KRT16: variants seen among roughly 807,000 people sequenced by gnomAD.
The protein encoded by KRT16 is keratin, type I cytoskeletal 16.
Under a neutral mutation model 44.8 loss-of-function variants are expected in KRT16, and 42 were observed. That is an observed-to-expected ratio of 0.94 (90% CI 0.73 to 1.21). KRT16 has a LOEUF of 1.21. KRT16 is among the 50% of genes most tolerant of loss of function. KRT16 has a pLI of 0.00. For synonymous variants in KRT16, 226 were observed against 260.4 expected (o/e 0.87, Z 1.27); for missense variants, 561 against 626.9 (o/e 0.89, Z 1.12).
In KRT16 at chr17:41,612,711, G is replaced by A. The variant is rs748762166; in HGVS notation, c.-23C>T. On this transcript the variant is annotated 5_prime_UTR_variant, in exon 1 of 8. Coordinates refer to ENST00000301653, the MANE Select transcript of KRT16 (RefSeq NM_005557.4). ...CATGGTGCCAAGGAGGGAGGTGAGC[G>A]AGTGAGCAGTTGGCTGAAAGAAGGA... 3.1e-5 allele frequency: 48 copies of A among 1,571,558 alleles called. No individual in the cohort carries two copies. Among genetic ancestry groups the A allele is most frequent in the Non-Finnish European group, 3.8e-5 (44 of 1,161,194 alleles).
intron 1 of KRT16, 189 bp downstream of exon 1, chr17:41,611,969 T>A: frequency 1.2e-6 from 1 of 836,730 alleles, no homozygotes; most frequent in Admixed American, 2.0e-5. Flanking sequence ...AGATTTAGGG[T>A]AACAGCCCCA....
Position 41,611,187 on chromosome 17 carries a change from A to G in KRT16, c.815T>C (p.Val272Ala). The G allele has an allele frequency of 6.2e-7, 1 of 1,613,686 alleles. No individual in the cohort carries two copies. Among genetic ancestry groups the G allele is most frequent in the Non-Finnish European group, 8.5e-7 (1 of 1,179,796 alleles). Residue 272 changes from valine (V) to alanine (A), a missense_variant, in exon 4 of 8, where the codon GTG (valine) becomes GCG (alanine). Physicochemically the swap from Val to Ala is moderately conservative, Grantham distance 64. Transcript: ENST00000301653. ...LRGQTGGDVNVEMDAAPGVDL... is the reference protein window; with the variant it reads ...LRGQTGGDVNAEMDAAPGVDL... ...CACGCCAGGTGCAGCATCCATCTCC[A>G]CGTTCACATCTCCGCCGGTCTGACC...
Position 41,610,540 on chromosome 17 carries a change from C to T in KRT16, c.1071G>A (p.Leu357=), listed in dbSNP as rs375085095. Residue 357 remains leucine (L), a synonymous_variant, in exon 6 of 8, where the codon CTG becomes CTA. Transcript: ENST00000301653. The stretch of plus-strand genomic sequence containing the variant: ...CTTTGGTCTCCTCCAGGCTGTTCTC[C>T]AGGGATGCTTTCTGCAAGTGAGAGA... The part of the protein sequence containing the change: ...LQSQLSMKAS[L]ENSLEETKGR... 3.7e-6 allele frequency: 6 copies of T among 1,612,044 alleles called. No homozygotes were observed. The South Asian group carries it at 6.6e-5, about 18-fold the overall frequency.
Position 41,609,885 on chromosome 17 carries a change from G to C in KRT16, c.*50C>G. 6.6e-7 allele frequency: 1 copy of C among 1,515,108 alleles called. No individual in the cohort carries two copies. Among genetic ancestry groups the C allele is most frequent in the African/African-American group, 1.4e-5 (1 of 72,982 alleles). The allele number at this position is 1,515,108 out of a possible 1,614,324, so 93.9% of individuals were successfully genotyped here. On this transcript the variant is annotated 3_prime_UTR_variant, in exon 8 of 8. Coordinates refer to ENST00000301653, the MANE Select transcript of KRT16 (RefSeq NM_005557.4). ...GCAGGGTCCTGACCCGGGCCTTCAGGAGGTGAGGCCAGCTGGTGGGCAGGA... is the reference window on the plus strand; with the variant it reads ...GCAGGGTCCTGACCCGGGCCTTCAGCAGGTGAGGCCAGCTGGTGGGCAGGA...
chr17:41,611,195 A>G lies in KRT16; in HGVS notation c.807T>C (p.Asp269=). 1.2e-6 allele frequency: 2 copies of G among 1,613,932 alleles called. No homozygotes were observed. The highest frequency in any genetic ancestry group is 1.7e-6 in the Non-Finnish European group (2 of 1,179,842). ...MLALRGQTGG[D]VNVEMDAAPG... The stretch of plus-strand genomic sequence containing the variant: ...GTGCAGCATCCATCTCCACGTTCAC[A>G]TCTCCGCCGGTCTGACCTCTCAGAG... Residue 269 remains aspartate (D), a synonymous_variant, in exon 4 of 8, where the codon GAT becomes GAC. Coordinates refer to ENST00000301653, the MANE Select transcript of KRT16 (RefSeq NM_005557.4).
Position 41,610,964 on chromosome 17 carries a change from T to C in KRT16, c.949A>G (p.Lys317Glu). The C allele has an allele frequency of 1.2e-6, 2 of 1,614,174 alleles. No homozygotes were observed. The highest frequency in any genetic ancestry group is 1.1e-5 in the South Asian group (1 of 91,086). The change falls in exon 5 of 8, where the codon AAA (lysine) becomes GAA (glutamate). Residue 317 changes from lysine (K) to glutamate (E), a missense_variant. Lys to Glu is a moderately conservative substitution (Grantham distance 56). Coordinates refer to ENST00000301653, the MANE Select transcript of KRT16 (RefSeq NM_005557.4). ...WFLSKTEELN[K>E]EVASNSELVQ... ...AGTTCGCTGTTGGAGGCCACTTCTTTGTTCAGCTCCTCGGTCTGAGGCAGG... is the reference window on the plus strand; with the variant it reads ...AGTTCGCTGTTGGAGGCCACTTCTTCGTTCAGCTCCTCGGTCTGAGGCAGG...
At position 41,612,672 on chromosome 17, in the gene KRT16, C is replaced by A. The variant is rs765533099; in HGVS notation, c.17G>T (p.Arg6Leu). 12 of 1,598,052 alleles carry A rather than the reference C, an allele frequency of 7.5e-6. No homozygotes were observed. In the African/African-American group the frequency reaches 8.0e-5, roughly 11 times the overall value. Reference protein sequence around the residue: MTTCSRQFTSSSSMKG... With the variant: MTTCSLQFTSSSSMKG... ...CATGGAGCTGGAGGAGGTGAACTGG[C>A]GGCTGCAGGTGGTCATGGTGCCAAG... The change falls in exon 1 of 8, where the codon CGC becomes CTC. Residue 6 changes from arginine to leucine, a missense_variant. Coordinates refer to ENST00000301653, the MANE Select transcript of KRT16 (RefSeq NM_005557.4).
chr17:41,611,501 C>G lies in KRT16; in HGVS notation c.615G>C (p.Lys205Asn). ...ARLAADDFRT[K>N]YEHELALRQT... Reference sequence around the variant, plus strand: ...GCCGCAGGGCCAGTTCATGCTCATACCTGGCAGGACAGAGGTCAGGTCCTC... The same window carrying G: ...GCCGCAGGGCCAGTTCATGCTCATAGCTGGCAGGACAGAGGTCAGGTCCTC... The change falls in exon 3 of 8, where the codon AAG (lysine) becomes AAC (asparagine). Residue 205 changes from lysine (K) to asparagine (N), a missense_variant and splice_region_variant. Lys to Asn is a moderately conservative substitution (Grantham distance 94). Coordinates refer to ENST00000301653, the MANE Select transcript of KRT16 (RefSeq NM_005557.4). The G allele has an allele frequency of 1.2e-6, 2 of 1,613,592 alleles. No homozygotes were observed. Among genetic ancestry groups the G allele is most frequent in the South Asian group, 1.1e-5 (1 of 91,042 alleles).
chr17:41,611,793 G>A, intron 1 of KRT16, 72 bp from the exon 2 acceptor site: 1 of 1,422,700 alleles, frequency 7.0e-7, no homozygotes. Flanking sequence ...AAGGCAGAAA[G>A]GGGCAAAAGG....
chr17:41,612,673 G>T lies in KRT16; in HGVS notation c.16C>A (p.Arg6Ser), dbSNP rs752729625. The change falls in exon 1 of 8, where the codon CGC (arginine) becomes AGC (serine). Residue 6 changes from arginine to serine, a missense_variant. Physicochemically the swap from Arg to Ser is moderately radical, Grantham distance 110. Coordinates refer to ENST00000301653, the MANE Select transcript of KRT16 (RefSeq NM_005557.4). The stretch of plus-strand genomic sequence containing the variant: ...ATGGAGCTGGAGGAGGTGAACTGGC[G>T]GCTGCAGGTGGTCATGGTGCCAAGG... Reference protein sequence around the residue: MTTCSRQFTSSSSMKG... With the variant: MTTCSSQFTSSSSMKG... 3.1e-6 allele frequency: 5 copies of T among 1,597,768 alleles called. No individual in the cohort carries two copies. Among genetic ancestry groups the T allele is most frequent in the Non-Finnish European group, 4.3e-6 (5 of 1,173,618 alleles).
intron 1 of KRT16, 117 bp from the exon 2 acceptor site, chr17:41,611,838 GGGCTGGCAT>G (rs1908213871): frequency 2.0e-6 from 2 of 999,234 alleles, no homozygotes; most frequent in Non-Finnish European, 3.1e-6. Flanking sequence ...CTGGCTGGCA[GGGCTGGCAT>G]GCCTTCTCCA....
intron 7 of KRT16, 34 bp downstream of exon 7, chr17:41,610,156 G>A (rs1288551621): frequency 6.2e-7 from 1 of 1,612,676 alleles, no homozygotes; most frequent in East Asian, 2.2e-5. Flanking sequence ...ACAGGCAGAG[G>A]GGCTGCAGTG....
In KRT16 at chr17:41,611,140, C is replaced by T; in HGVS notation, c.862G>A (p.Glu288Lys). The T allele has an allele frequency of 1.2e-6, 2 of 1,613,990 alleles. No homozygotes were observed. Among genetic ancestry groups the T allele is most frequent in the Non-Finnish European group, 1.7e-6 (2 of 1,179,852 alleles). Residue 288 changes from glutamate to lysine, a missense_variant, in exon 4 of 8, where the codon GAG (glutamate) becomes AAG (lysine). Coordinates refer to ENST00000301653, the MANE Select transcript of KRT16 (RefSeq NM_005557.4). ...ATCTGCTCGTACTGGTCACGCATCT[C>T]ATTCAGGATGCGGCTCAGGTCCACG... ...PGVDLSRILN[E>K]MRDQYEQMAE...
chr17:41,612,016 T>C, intron 1 of KRT16, 142 bp downstream of exon 1: 2 of 1,094,874 alleles, frequency 1.8e-6, no homozygotes, highest in South Asian at 1.3e-5. Context: ...GACCCTCTGC[T>C]ACCACTTCCC....
At chr17:41,611,891 C>T (rs1318778444) in intron 1 of KRT16, 170 bp from the exon 2 acceptor site, 32 of 784,156 alleles carry the variant, frequency 4.1e-5, no homozygotes, top group Non-Finnish European at 5.7e-5. Context: ...CACTCCATCC[C>T]GATCACCCCC....
In KRT16 at chr17:41,610,474, A is replaced by C. The variant is rs768333887; in HGVS notation, c.1137T>G (p.Ile379Met). The C allele has an allele frequency of 1.9e-6, 3 of 1,612,144 alleles. No individual in the cohort carries two copies. Among genetic ancestry groups the C allele is most frequent in the African/African-American group, 2.7e-5 (2 of 74,972 alleles). The change falls in exon 6 of 8, where the codon ATT becomes ATG. Residue 379 changes from isoleucine (I) to methionine (M), a missense_variant. Coordinates refer to ENST00000301653, the MANE Select transcript of KRT16 (RefSeq NM_005557.4). ...CMQLSQIQGLIGSVEEQLAQL... is the reference protein window; with the variant it reads ...CMQLSQIQGLMGSVEEQLAQL... ...GGGCCAGCTGCTCCTCCACACTGCC[A>C]ATCAGTCCCTGGATCTGGGACAGCT...
chr17:41,611,796 G>T, intron 1 of KRT16, 75 bp from the exon 2 acceptor site: 1 of 1,406,500 alleles, frequency 7.1e-7, no homozygotes, highest in Non-Finnish European at 9.9e-7. Flanking sequence ...GCAGAAAGGG[G>T]CAAAAGGAAC....
rs1345181674 is a variant in KRT16, at chr17:41,611,708, G to T, written c.545C>A (p.Thr182Asn). ...CAAAATGGGCTGCGCATTCTCAATGGTGGCCGCAATGATCTGGAGTGGGGA... is the reference window on the plus strand; with the variant it reads ...CAAAATGGGCTGCGCATTCTCAATGTTGGCCGCAATGATCTGGAGTGGGGA... ...EDLRNKIIAA[T>N]IENAQPILQI... is the part of the protein sequence containing the mutation. Residue 182 changes from threonine to asparagine, a missense_variant, in exon 2 of 8, where the codon ACC (threonine) becomes AAC (asparagine). Thr to Asn is a moderately conservative substitution (Grantham distance 65). Transcript: ENST00000301653. 1 of 1,610,594 alleles carries T rather than the reference G, an allele frequency of 6.2e-7. No individual in the cohort carries two copies. Among genetic ancestry groups the T allele is most frequent in the Non-Finnish European group, 8.5e-7 (1 of 1,179,392 alleles).
chr17:41,611,342 T>C lies in KRT16; in HGVS notation c.771+3A>G, dbSNP rs113890856. The C allele has an allele frequency of 5.3e-4, 860 of 1,614,100 alleles. 7 individuals are homozygous for C. The African/African-American group carries it at 9.4e-3, about 18-fold the overall frequency. ...CCACCCCGGAAGCCAGCAGCGACCG[T>C]ACCTCCTCGTGGTTCTTCCTCAGGT... On this transcript the variant is annotated splice_donor_region_variant and intron_variant, in intron 3 of 7. Transcript: ENST00000301653.
Sources: allele counts gnomAD v4.1 joint callset, GRCh38; gene constraint gnomAD v4.1.1; transcripts MANE v1.5; gene names NCBI Gene and HGNC (gene_info 2026-07-23, HGNC 2026-07-21).